LRRC4C: variants seen among roughly 807,000 people sequenced by gnomAD.
The protein encoded by LRRC4C is leucine rich repeat containing 4C, also known as leucine-rich repeat-containing protein 4C.
A neutral mutation model predicts 33.6 loss-of-function variants in LRRC4C; 5 were observed. The ratio of observed to expected loss-of-function variants is 0.15; its 90% CI spans 0.08 to 0.31. LRRC4C has a LOEUF of 0.31. LRRC4C is among the 10% of genes least tolerant of loss of function. The pLI is 1.00. For synonymous variants in LRRC4C, 329 were observed against 302.0 expected (o/e 1.09, Z -0.93); for missense variants, 560 against 796.7 (o/e 0.70, Z 3.58).
rs75436422 is a variant in LRRC4C at position 40,824,458 on chromosome 11, ATAGG to A, written c.-407+109173_-407+109176del. Among the ~76,000 whole-genome samples the A allele has an allele frequency of 9.9e-3, 1,502 of 151,988 alleles. 14 individuals are homozygous for A. The highest frequency in any genetic ancestry group is 0.04 in the South Asian group (191 of 4,804). Reference sequence around the variant, plus strand: ...AAATAGAGTTTCATCCATATGTAAAATAGGTAGCAGAAAAGGCATCTTACAGTAA... The same window carrying A: ...AAATAGAGTTTCATCCATATGTAAAATAGCAGAAAAGGCATCTTACAGTAA... On this transcript the variant is annotated intron_variant, in intron 2 of 6. Coordinates refer to ENST00000528697, the MANE Select transcript of LRRC4C (RefSeq NM_001258419.2).
At chr11:41,409,032 T>C (rs1176082903) in intron 1 of LRRC4C, among the ~76,000 whole-genome samples, 1 of 152,274 alleles carries the variant, frequency 6.6e-6, no homozygotes, top group Non-Finnish European at 1.5e-5. Flanking sequence ...AGGGTCACAC[T>C]GTGTGTAGGG....
chr11:40,974,714 A>T (rs1010801099), intron 1 of LRRC4C, among the ~76,000 whole-genome samples: 1 of 152,214 alleles, frequency 6.6e-6, no homozygotes, highest in Admixed American at 6.5e-5. Flanking sequence ...TTGCAGTGTG[A>T]TTCAGTGGAC....
chr11:40,453,537 C>T (rs1951990941), intron 3 of LRRC4C, among the ~76,000 whole-genome samples: 1 of 147,482 alleles, frequency 6.8e-6, no homozygotes, highest in African/African-American at 2.5e-5. Context: ...TTTAAAGAAA[C>T]AAAAGAGAGG....
intron 5 of LRRC4C, among the ~76,000 whole-genome samples, chr11:40,188,392 T>G (rs1392383377): frequency 6.6e-6 from 1 of 152,198 alleles, no homozygotes; most frequent in Non-Finnish European, 1.5e-5. Flanking sequence ...AGTAATGAAA[T>G]TTTTAGTAAA....
intron 1 of LRRC4C, among the ~76,000 whole-genome samples, chr11:41,080,206 A>G (rs1409487501): frequency 2.0e-5 from 3 of 152,166 alleles, no homozygotes; most frequent in Admixed American, 1.3e-4. Flanking sequence ...ACATATTCCA[A>G]CTACAACTAA....
chr11:40,532,601 TA>T (rs1956313549), intron 3 of LRRC4C, among the ~76,000 whole-genome samples: 1 of 151,598 alleles, frequency 6.6e-6, no homozygotes, highest in Non-Finnish European at 1.5e-5. Context: ...TAGTGTCATG[TA>T]AGGGGTATAA....
At chr11:41,353,794 A>G (rs1410025103) in intron 1 of LRRC4C, among the ~76,000 whole-genome samples, 1 of 152,198 alleles carries the variant, frequency 6.6e-6, no homozygotes, top group Non-Finnish European at 1.5e-5. Context: ...CAACAGACAC[A>G]TAACTCTTTC....
At chr11:40,324,121 T>A (rs1051403805) in intron 3 of LRRC4C, among the ~76,000 whole-genome samples, 3 of 152,200 alleles carry the variant, frequency 2.0e-5, no homozygotes, top group African/African-American at 7.2e-5. Flanking sequence ...CACATAGAAG[T>A]GTGAATGTAA....
At chr11:40,462,847 C>T (rs1952466041) in intron 3 of LRRC4C, among the ~76,000 whole-genome samples, 1 of 151,920 alleles carries the variant, frequency 6.6e-6, no homozygotes. Flanking sequence ...TCTAAACCTC[C>T]TTAGGTTTTA....
At chr11:41,061,417 T>C (rs978420171) in intron 1 of LRRC4C, among the ~76,000 whole-genome samples, 1 of 144,342 alleles carries the variant, frequency 6.9e-6, no homozygotes, top group African/African-American at 2.5e-5. Flanking sequence ...TAAAATTTGC[T>C]TCATTTAAAA....
chr11:40,720,865 A>T (rs1357451258), intron 2 of LRRC4C, among the ~76,000 whole-genome samples: 1 of 152,202 alleles, frequency 6.6e-6, no homozygotes, highest in Non-Finnish European at 1.5e-5. Context: ...TTCAGAGGTG[A>T]GATTTCAAAT....
intron 3 of LRRC4C, among the ~76,000 whole-genome samples, chr11:40,344,683 G>A (rs919272436): frequency 1.3e-5 from 2 of 152,028 alleles, no homozygotes; most frequent in African/African-American, 2.4e-5. Flanking sequence ...GAAATAAAAT[G>A]CATTCAAGTA....
At chr11:40,231,047 C>A (rs1157129907) in intron 5 of LRRC4C, among the ~76,000 whole-genome samples, 1 of 152,036 alleles carries the variant, frequency 6.6e-6, no homozygotes, top group Non-Finnish European at 1.5e-5. Context: ...GTTTAAATAA[C>A]AAGGAATGAA....
At chr11:40,210,721 T>C (rs960761300) in intron 5 of LRRC4C, among the ~76,000 whole-genome samples, 1 of 152,188 alleles carries the variant, frequency 6.6e-6, no homozygotes, top group African/African-American at 2.4e-5. Flanking sequence ...GCATTTGTAT[T>C]GCTTGTCTCT....
chr11:40,773,664 G>T (rs1162946948), intron 2 of LRRC4C, among the ~76,000 whole-genome samples: 25 of 151,992 alleles, frequency 1.6e-4, no homozygotes, highest in Admixed American at 1.6e-3. Flanking sequence ...AGACAATATT[G>T]TAGGGAACAT....
At chr11:40,776,948 G>T (rs962404174) in intron 2 of LRRC4C, among the ~76,000 whole-genome samples, 2 of 152,000 alleles carry the variant, frequency 1.3e-5, no homozygotes, top group African/African-American at 4.8e-5. Flanking sequence ...TTATTTCAAA[G>T]AATTTTTTGA....
At chr11:40,371,469 C>T (rs972508779) in intron 3 of LRRC4C, among the ~76,000 whole-genome samples, 1 of 152,204 alleles carries the variant, frequency 6.6e-6, no homozygotes, top group Non-Finnish European at 1.5e-5. Context: ...AATTACTTTA[C>T]TACAACTTCA....
At position 41,007,195 on chromosome 11, in the gene LRRC4C, C is replaced by T. The variant is rs544320502; in HGVS notation, c.-495-73472G>A. Among the ~76,000 whole-genome samples, 5 of 151,378 alleles carry T rather than the reference C, an allele frequency of 3.3e-5. No individual in the cohort carries two copies. In the East Asian group the frequency reaches 5.8e-4, roughly 18 times the overall value. ...AGAAAATATTTATATTACGTTCCAT[C>T]GAGAGAGAATCAAAAATCTAGAAAA... is the stretch of plus-strand genomic sequence containing the variant. On this transcript the variant is annotated intron_variant, in intron 1 of 6. Transcript: ENST00000528697.
chr11:41,192,136 T>C (rs1477999182), intron 1 of LRRC4C, among the ~76,000 whole-genome samples: 1 of 152,150 alleles, frequency 6.6e-6, no homozygotes, highest in East Asian at 1.9e-4. Context: ...TAATCTAAAA[T>C]AGCACATACC....
Sources: allele counts gnomAD v4.1 joint callset (sites outside exome capture counted in the v4.1 genomes callset), GRCh38; gene constraint gnomAD v4.1.1; transcripts MANE v1.5; gene names NCBI Gene and HGNC (gene_info 2026-07-23, HGNC 2026-07-21).